Variants in NEUROG1 observed in about 807,000 individuals in gnomAD.
The protein encoded by NEUROG1 is neurogenin-1.
Under a neutral mutation model 5.7 loss-of-function variants are expected in NEUROG1, and 5 were observed. That is an observed-to-expected ratio of 0.88 (90% CI 0.46 to 1.85). The LOEUF (loss-of-function observed/expected upper bound fraction) is 1.85, where lower values mean the gene tolerates loss of function less well. Among genes scored for constraint, NEUROG1 ranks in the 40% most tolerant of loss-of-function variants. The probability of loss-of-function intolerance (pLI) is 0.01; values close to 1 mark genes in which losing one functional copy is unlikely to be tolerated. For missense variants in NEUROG1, 403 were observed against 345.7 expected (o/e 1.17, Z -1.32); for synonymous variants, 196 against 157.4 (o/e 1.25, Z -1.84).
At position 135,535,340 on chromosome 5, in the gene NEUROG1, G is replaced by A; in HGVS notation, c.351C>T (p.Ser117=). The part of the protein sequence containing the change: ...NLNAALDALR[S]VLPSFPDDTK... ...TGTCGTCGGGGAACGAGGGCAGCAC[G>A]CTGCGCAGTGCGTCCAGGGCCGCGT... Residue 117 remains serine, a synonymous_variant, in exon 1 of 1, where the codon AGC becomes AGT. Transcript: ENST00000314744. 3.7e-6 allele frequency: 6 copies of A among 1,613,410 alleles called. No individual in the cohort carries two copies. The highest frequency in any genetic ancestry group is 5.1e-6 in the Non-Finnish European group (6 of 1,179,632).
In NEUROG1 at chr5:135,535,107, G is replaced by T. The variant is rs1580681876; in HGVS notation, c.584C>A (p.Pro195Gln). ...SWGSGAAAAS[P>Q]LSDPSSPAAS... ...GGCTGGGCTACTGGGGTCAGAGAGC[G>T]GGGAGGCGGCGGCGGCACCTGAGCC... Residue 195 changes from proline (P) to glutamine (Q), a missense_variant, in exon 1 of 1, where the codon CCG (proline) becomes CAG (glutamine). By Grantham distance (76) the Pro-to-Gln change is moderately conservative. Coordinates refer to ENST00000314744, the MANE Select transcript of NEUROG1 (RefSeq NM_006161.3). 6.2e-7 allele frequency: 1 copy of T among 1,611,606 alleles called. No homozygotes were observed. Among genetic ancestry groups the T allele is most frequent in the Non-Finnish European group, 8.5e-7 (1 of 1,179,004 alleles).
In NEUROG1 at chr5:135,535,567, A is replaced by G. The variant is rs1750522830; in HGVS notation, c.124T>C (p.Ser42Pro). 2.5e-6 allele frequency: 4 copies of G among 1,580,876 alleles called. No homozygotes were observed. Among genetic ancestry groups the G allele is most frequent in the Admixed American group, 1.8e-5 (1 of 56,494 alleles). Reference sequence around the variant, plus strand: ...CTGCGGGCCGGCGCGGGCGGCCCCGAAGCGGAGGCTGCCTGTTGGAGTCTG... The same window carrying G: ...CTGCGGGCCGGCGCGGGCGGCCCCGGAGCGGAGGCTGCCTGTTGGAGTCTG... Reference protein sequence around the residue: ...CARLQQAASASGPPAPARRGA... With the variant: ...CARLQQAASAPGPPAPARRGA... Residue 42 changes from serine (S) to proline (P), a missense_variant, in exon 1 of 1, where the codon TCG becomes CCG. Transcript: ENST00000314744.
Position 135,534,997 on chromosome 5 carries a change from A to G in NEUROG1, c.694T>C (p.Cys232Arg), listed in dbSNP as rs1377385708. The G allele has an allele frequency of 6.2e-7, 1 of 1,613,766 alleles. No individual in the cohort carries two copies. Among genetic ancestry groups the G allele is most frequent in the East Asian group, 2.2e-5 (1 of 44,842 alleles). The change falls in exon 1 of 1, where the codon TGT becomes CGT. Residue 232 changes from cysteine to arginine, a missense_variant. Cys to Arg is a radical substitution (Grantham distance 180, BLOSUM62 -3). Coordinates refer to ENST00000314744, the MANE Select transcript of NEUROG1 (RefSeq NM_006161.3). ...LPKDLLHTTP[C>R]FIPYH ...AGGGCCTAGTGGTAAGGAATGAAACAGGGCGTTGTGTGGAGCAAGTCTTTG... is the reference window on the plus strand; with the variant it reads ...AGGGCCTAGTGGTAAGGAATGAAACGGGGCGTTGTGTGGAGCAAGTCTTTG...
chr5:135,535,025 C>T lies in NEUROG1; in HGVS notation c.666G>A (p.Leu222=), dbSNP rs1354383054. 1.9e-6 allele frequency: 3 copies of T among 1,613,998 alleles called. No homozygotes were observed. Among genetic ancestry groups the T allele is most frequent in the East Asian group, 4.5e-5 (2 of 44,848 alleles). Residue 222 remains leucine, a synonymous_variant, in exon 1 of 1, where the codon CTG becomes CTA. Transcript: ENST00000314744. ...GCGTTGTGTGGAGCAAGTCTTTGGG[C>T]AGGCTTGGGAAGGAGAAAACAGGGT... ...PGDPVFSFPS[L]PKDLLHTTPC...
In NEUROG1 at chr5:135,534,800, CAA is replaced by C; in HGVS notation, c.*175_*176del. ...TGGGCTGAGGGCCGGAGAAACAGACCAAGAGACATCCGCCGCGAGGGTGCGGC... is the reference window on the plus strand; with the variant it reads ...TGGGCTGAGGGCCGGAGAAACAGACCGAGACATCCGCCGCGAGGGTGCGGC... On this transcript the variant is annotated 3_prime_UTR_variant, in exon 1 of 1. Coordinates refer to ENST00000314744, the MANE Select transcript of NEUROG1 (RefSeq NM_006161.3). 18 of 647,072 alleles carry C rather than the reference CAA, an allele frequency of 2.8e-5. No individual in the cohort carries two copies. The highest frequency in any genetic ancestry group is 2.2e-4 in the South Asian group (11 of 49,674). The allele number at this position is 647,072 out of a possible 1,614,324, so 40.1% of individuals were successfully genotyped here.
In NEUROG1 at chr5:135,535,734, G is replaced by C; in HGVS notation, c.-44C>G. The C allele has an allele frequency of 6.8e-7, 1 of 1,475,570 alleles. No homozygotes were observed. The highest frequency in any genetic ancestry group is 9.0e-7 in the Non-Finnish European group (1 of 1,112,944). 91.4% of individuals were successfully genotyped at this position (1,475,570 alleles called of 1,614,324 possible). On this transcript the variant is annotated 5_prime_UTR_variant, in exon 1 of 1. Transcript: ENST00000314744. Reference sequence around the variant, plus strand: ...CGACGGACAGATAGAAAGGCGCTCAGAGCGCTGCAGCCCGGACTGAGGGCA... The same window carrying C: ...CGACGGACAGATAGAAAGGCGCTCACAGCGCTGCAGCCCGGACTGAGGGCA...
rs527951633 is a variant in NEUROG1 at position 135,535,522 on chromosome 5, G to A, written c.169C>T (p.Arg57Trp). The A allele has an allele frequency of 9.5e-6, 15 of 1,573,694 alleles. No homozygotes were observed. Among genetic ancestry groups the A allele is most frequent in the Admixed American group, 7.2e-5 (4 of 55,840 alleles). The change falls in exon 1 of 1, where the codon CGG becomes TGG. Residue 57 changes from arginine (R) to tryptophan (W), a missense_variant. By Grantham distance (101) the Arg-to-Trp change is moderately radical. Coordinates refer to ENST00000314744, the MANE Select transcript of NEUROG1 (RefSeq NM_006161.3). ...TGTGCCCCTGGAACCTCAGACGCCCGGGAGATATTGGGCGCGCCCCTGCGG... is the reference window on the plus strand; with the variant it reads ...TGTGCCCCTGGAACCTCAGACGCCCAGGAGATATTGGGCGCGCCCCTGCGG... The part of the protein sequence containing the change: ...PARRGAPNIS[R>W]ASEVPGAQDD...
rs1172391600 is a variant in NEUROG1 at position 135,535,121 on chromosome 5, G to A, written c.570C>T (p.Ala190=). ...ASDAESWGSG[A]AAASPLSDPS... ...GGTCAGAGAGCGGGGAGGCGGCGGC[G>A]GCACCTGAGCCCCAGGACTCCGCGT... is the stretch of plus-strand genomic sequence containing the variant. The change falls in exon 1 of 1, where the codon GCC becomes GCT. Residue 190 remains alanine, a synonymous_variant. Transcript: ENST00000314744. The A allele has an allele frequency of 1.2e-6, 2 of 1,609,886 alleles. No individual in the cohort carries two copies. The highest frequency in any genetic ancestry group is 2.2e-5 in the East Asian group (1 of 44,768).
In NEUROG1 at chr5:135,535,397, G is replaced by A. The variant is rs780562200; in HGVS notation, c.294C>T (p.Asn98=). Reference sequence around the variant, plus strand: ...TGTGCATGCGGTTGCGCTCGCGATCGTTGGCCTTGACGCGCCGGCTCCTGC... The same window carrying A: ...TGTGCATGCGGTTGCGCTCGCGATCATTGGCCTTGACGCGCCGGCTCCTGC... ...SLRRSRRVKA[N]DRERNRMHNL... Residue 98 remains asparagine (N), a synonymous_variant, in exon 1 of 1, where the codon AAC becomes AAT. Transcript: ENST00000314744. The A allele has an allele frequency of 1.9e-6, 3 of 1,608,764 alleles. No homozygotes were observed. Among genetic ancestry groups the A allele is most frequent in the Admixed American group, 1.7e-5 (1 of 59,482 alleles).
rs768925138 is a variant in NEUROG1, at chr5:135,535,318, C to A, written c.373G>T (p.Asp125Tyr). 7 of 1,613,490 alleles carry A rather than the reference C, an allele frequency of 4.3e-6. No homozygotes were observed. Among genetic ancestry groups the A allele is most frequent in the African/African-American group, 1.3e-5 (1 of 74,914 alleles). The change falls in exon 1 of 1, where the codon GAC (aspartate) becomes TAC (tyrosine). Residue 125 changes from aspartate (D) to tyrosine (Y), a missense_variant. Physicochemically the swap from Asp to Tyr is radical, Grantham distance 160. Transcript: ENST00000314744. ...LRSVLPSFPD[D>Y]TKLTKIETLR... ...GTCTCGATTTTGGTGAGCTTGGTGT[C>A]GTCGGGGAACGAGGGCAGCACGCTG...
chr5:135,535,500 G>GGC lies in NEUROG1; in HGVS notation c.190_191insGC (p.Ala64GlyfsTer46). The GGC allele has an allele frequency of 1.3e-6, 2 of 1,576,028 alleles. No homozygotes were observed. Among genetic ancestry groups the GGC allele is most frequent in the Non-Finnish European group, 1.7e-6 (2 of 1,167,232 alleles). ...CCGCCTCTCCTGCTCGTCGTCCTGT[G>GGC]CCCCTGGAACCTCAGACGCCCGGGA... On this transcript the variant is annotated frameshift_variant, in exon 1 of 1. Transcript: ENST00000314744. LOFTEE classifies it high-confidence loss of function.
In NEUROG1 at chr5:135,535,305, G is replaced by A; in HGVS notation, c.386C>T (p.Thr129Ile). 6.2e-7 allele frequency: 1 copy of A among 1,613,618 alleles called. No homozygotes were observed. The highest frequency in any genetic ancestry group is 2.2e-5 in the East Asian group (1 of 44,836). The change falls in exon 1 of 1, where the codon ACC (threonine) becomes ATC (isoleucine). Residue 129 changes from threonine to isoleucine, a missense_variant. Physicochemically the swap from Thr to Ile is moderately conservative, Grantham distance 89. Transcript: ENST00000314744. ...GGCGAAGCGCAGCGTCTCGATTTTG[G>A]TGAGCTTGGTGTCGTCGGGGAACGA... ...LPSFPDDTKL[T>I]KIETLRFAYN...
At position 135,535,610 on chromosome 5, in the gene NEUROG1, G is replaced by T; in HGVS notation, c.81C>A (p.Thr27=). 6.3e-7 allele frequency: 1 copy of T among 1,596,090 alleles called. No homozygotes were observed. The highest frequency in any genetic ancestry group is 8.5e-7 in the Non-Finnish European group (1 of 1,176,702). The part of the protein sequence containing the change: ...SSGSDLSGFL[T]DEEDCARLQQ... The stretch of plus-strand genomic sequence containing the variant: ...GGAGTCTGGCACAGTCTTCCTCGTC[G>T]GTGAGGAAGCCGGATAGGTCACTGC... Residue 27 remains threonine (T), a synonymous_variant, in exon 1 of 1, where the codon ACC becomes ACA. Transcript: ENST00000314744.
chr5:135,535,266 C>T lies in NEUROG1; in HGVS notation c.425G>A (p.Trp142Ter), dbSNP rs1303103487. 1.9e-6 allele frequency: 3 copies of T among 1,613,432 alleles called. No homozygotes were observed. Among genetic ancestry groups the T allele is most frequent in the East Asian group, 2.2e-5 (1 of 44,858 alleles). ...CAGGCGCAGTGTCTCGGCCAGAGCC[C>T]AGATGTAGTTGTAGGCGAAGCGCAG... The part of the protein sequence containing the change: ...ETLRFAYNYI[W>*]ALAETLRLAD... Residue 142 changes from tryptophan (W) to a stop codon, truncating the protein, a stop_gained, in exon 1 of 1, where the codon TGG (tryptophan) becomes TAG (stop). Transcript: ENST00000314744. LOFTEE classifies it high-confidence loss of function.
In NEUROG1 at chr5:135,535,082, G is replaced by A; in HGVS notation, c.609C>T (p.Ala203=). Residue 203 remains alanine (A), a synonymous_variant, in exon 1 of 1, where the codon GCC becomes GCT. Coordinates refer to ENST00000314744, the MANE Select transcript of NEUROG1 (RefSeq NM_006161.3). ...GGCGGTAGGTGAAGTCTTCGGAGGC[G>A]GCTGGGCTACTGGGGTCAGAGAGCG... ...ASPLSDPSSP[A]ASEDFTYRPG... is the part of the protein sequence containing the mutation. 1 of 1,613,664 alleles carries A rather than the reference G, an allele frequency of 6.2e-7. No individual in the cohort carries two copies. The highest frequency in any genetic ancestry group is 2.2e-5 in the East Asian group (1 of 44,856).
chr5:135,535,130 G>A lies in NEUROG1; in HGVS notation c.561C>T (p.Gly187=), dbSNP rs543958644. 30 of 1,609,368 alleles carry A rather than the reference G, an allele frequency of 1.9e-5. No individual in the cohort carries two copies. The South Asian group carries it at 2.8e-4, about 15-fold the overall frequency. Residue 187 remains glycine (G), a synonymous_variant, in exon 1 of 1, where the codon GGC becomes GGT. Transcript: ENST00000314744. ...GCGGGGAGGCGGCGGCGGCACCTGAGCCCCAGGACTCCGCGTCGCTGGCGG... is the reference window on the plus strand; with the variant it reads ...GCGGGGAGGCGGCGGCGGCACCTGAACCCCAGGACTCCGCGTCGCTGGCGG... ...PSPASDAESW[G]SGAAAASPLS...
rs751717832 is a variant in NEUROG1 at position 135,535,157 on chromosome 5, G to T, written c.534C>A (p.Ser178Arg). 1 of 1,609,650 alleles carries T rather than the reference G, an allele frequency of 6.2e-7. No homozygotes were observed. Among genetic ancestry groups the T allele is most frequent in the Non-Finnish European group, 8.5e-7 (1 of 1,177,972 alleles). Residue 178 changes from serine to arginine, a missense_variant, in exon 1 of 1, where the codon AGC becomes AGA. Physicochemically the swap from Ser to Arg is moderately radical, Grantham distance 110. Coordinates refer to ENST00000314744, the MANE Select transcript of NEUROG1 (RefSeq NM_006161.3). ...CCCAGGACTCCGCGTCGCTGGCGGG[G>T]CTTGGGGGACCGGGCAGGCAGGGGA... ...QCVPCLPGPP[S>R]PASDAESWGS...
In NEUROG1 at chr5:135,535,831, C is replaced by T; in HGVS notation, c.-141G>A. On this transcript the variant is annotated 5_prime_UTR_variant, in exon 1 of 1. Transcript: ENST00000314744. ...TCTGTGCCAGTTGCGGGTGCGAGAG[C>T]CTGGAAGGGTGCAGGGGCGCACGGA... 1 of 793,878 alleles carries T rather than the reference C, an allele frequency of 1.3e-6. No homozygotes were observed. The highest frequency in any genetic ancestry group is 1.9e-6 in the Non-Finnish European group (1 of 527,318). The allele number at this position is 793,878 out of a possible 1,614,324, so 49.2% of individuals were successfully genotyped here. A position where few individuals can be genotyped will look rare whatever the true frequency, so the allele number is the denominator to read the frequency against.
Position 135,535,366 on chromosome 5 carries a change from T to C in NEUROG1, c.325A>G (p.Asn109Asp). 2.5e-6 allele frequency: 4 copies of C among 1,612,876 alleles called. No homozygotes were observed. The highest frequency in any genetic ancestry group is 3.4e-6 in the Non-Finnish European group (4 of 1,179,444). ...DRERNRMHNL[N>D]AALDALRSVL... ...CTGCGCAGTGCGTCCAGGGCCGCGT[T>C]CAAGTTGTGCATGCGGTTGCGCTCG... Residue 109 changes from asparagine (N) to aspartate (D), a missense_variant, in exon 1 of 1, where the codon AAC becomes GAC. By Grantham distance (23) the Asn-to-Asp change is conservative (BLOSUM62 1). Coordinates refer to ENST00000314744, the MANE Select transcript of NEUROG1 (RefSeq NM_006161.3).
Sources: gnomAD v4.1 joint callset for allele counts on GRCh38, gnomAD v4.1.1 for gene constraint, MANE v1.5 for transcripts, NCBI Gene and HGNC (gene_info 2026-07-23, HGNC 2026-07-21) for gene names.